CLIC5: variants seen among roughly 807,000 people sequenced by gnomAD.
CLIC5 encodes the protein chloride intracellular channel protein 5.
In CLIC5, 20 loss-of-function variants were observed where a neutral mutation model predicts 24.7. The ratio of observed to expected loss-of-function variants is 0.81; its 90% CI spans 0.57 to 1.18. The LOEUF (loss-of-function observed/expected upper bound fraction) is 1.18. CLIC5 is among the 50% of genes most tolerant of loss of function. The probability of loss-of-function intolerance (pLI) is 0.00; values close to 1 mark genes in which losing one functional copy is unlikely to be tolerated. For missense variants in CLIC5, 341 were observed against 326.1 expected (o/e 1.05, Z -0.35); for synonymous variants, 159 against 135.6 (o/e 1.17, Z -1.20).
chr6:45,923,521 T>G (rs1277059954), intron 4 of CLIC5, among the ~76,000 whole-genome samples: 1 of 152,262 alleles, frequency 6.6e-6, no homozygotes, highest in Non-Finnish European at 1.5e-5. Context: ...TTGGTGATTC[T>G]GTGAATATCC....
intron 4 of CLIC5, among the ~76,000 whole-genome samples, chr6:45,928,862 G>A (rs1420980523): frequency 6.6e-6 from 1 of 151,910 alleles, no homozygotes; most frequent in Admixed American, 6.6e-5. Flanking sequence ...AAGAGGTGTT[G>A]GTTGCATAGG....
At chr6:46,045,966 G>T (rs183767869) in intron 1 of CLIC5, among the ~76,000 whole-genome samples, 15 of 152,238 alleles carry the variant, frequency 9.9e-5, no homozygotes. Context: ...TACAAGTTTT[G>T]ACAATCGCCT....
chr6:46,002,139 G>A lies in CLIC5; in HGVS notation c.63+13341C>T, dbSNP rs140417246. Among the ~76,000 whole-genome samples the A allele has an allele frequency of 1.5e-3, 236 of 152,312 alleles. 1 individual carries two copies. Among genetic ancestry groups the A allele is most frequent in the Admixed American group, 7.5e-3 (115 of 15,302 alleles). On this transcript the variant is annotated intron_variant, in intron 1 of 5. Coordinates refer to ENST00000339561, the MANE Select transcript of CLIC5 (RefSeq NM_016929.5). ...AGGAATGAAGCTGCTAGAATCCTGCGAGGACTCGATGGAATCCATCAAATT... is the reference window on the plus strand; with the variant it reads ...AGGAATGAAGCTGCTAGAATCCTGCAAGGACTCGATGGAATCCATCAAATT...
chr6:46,057,182 C>T (rs1290804719), intron 1 of CLIC5, among the ~76,000 whole-genome samples: 1 of 152,224 alleles, frequency 6.6e-6, no homozygotes, highest in Non-Finnish European at 1.5e-5. Context: ...TCACACAAAT[C>T]TCAACTTTAA....
chr6:45,883,200 A>G lies in CLIC5; in HGVS notation c.624-2012T>C, dbSNP rs964826489. On this transcript the variant is annotated intron_variant, in intron 6 of 6. Transcript: ENST00000644324. The stretch of plus-strand genomic sequence containing the variant: ...TTCCACAGTGGGGGTGGGGTGGAGC[A>G]TTGAGAAACATTACCTGCCATTTGC... Among the ~76,000 whole-genome samples, 9 of 152,330 alleles carry G rather than the reference A, an allele frequency of 5.9e-5. No individual in the cohort carries two copies. The South Asian group carries it at 1.7e-3, about 28-fold the overall frequency.
chr6:46,108,401 T>TGAGAGAGAGA, the CLIC5 span, among the ~76,000 whole-genome samples: 8 of 141,754 alleles, frequency 5.6e-5, no homozygotes, highest in East Asian at 6.3e-4. Flanking sequence ...TGTGTGTGTG[T>TGAGAGAGAGA]GAGAGAGAGA....
intron 1 of CLIC5, among the ~76,000 whole-genome samples, chr6:46,045,695 A>G (rs922149982): frequency 2.6e-5 from 4 of 152,222 alleles, no homozygotes; most frequent in Admixed American, 2.0e-4. Context: ...AAGTCAAAAT[A>G]ATTTTATCTT....
the CLIC5 span, among the ~76,000 whole-genome samples, chr6:46,123,962 G>A: frequency 1.3e-5 from 2 of 152,204 alleles, no homozygotes; most frequent in African/African-American, 4.8e-5. Flanking sequence ...AACATTCCAT[G>A]CTCATGGATA....
At chr6:45,945,245 T>A (rs1420186743) in intron 3 of CLIC5, among the ~76,000 whole-genome samples, 8 of 152,196 alleles carry the variant, frequency 5.3e-5, no homozygotes, top group Non-Finnish European at 1.2e-4. Context: ...AATAGCCCTA[T>A]AAGATCAACA....
chr6:46,028,052 G>A (rs968727222), intron 1 of CLIC5, among the ~76,000 whole-genome samples: 6 of 152,094 alleles, frequency 3.9e-5, no homozygotes, highest in Admixed American at 1.3e-4. Flanking sequence ...TTAACACAGC[G>A]CAAAGTCACT....
At chr6:46,129,096 A>G in the CLIC5 span, among the ~76,000 whole-genome samples, 15 of 152,190 alleles carry the variant, frequency 9.9e-5, no homozygotes, top group Non-Finnish European at 2.1e-4. Flanking sequence ...ATTTATTTGT[A>G]CTTTTTATTT....
chr6:45,958,889 C>T (rs2127391447), intron 1 of CLIC5, among the ~76,000 whole-genome samples: 1 of 152,198 alleles, frequency 6.6e-6, no homozygotes. Context: ...TGATGTCCCT[C>T]CCTTTTTGTG....
intron 1 of CLIC5, among the ~76,000 whole-genome samples, chr6:46,004,494 C>T (rs959922708): frequency 7.2e-5 from 11 of 152,244 alleles, no homozygotes; most frequent in African/African-American, 1.7e-4. Flanking sequence ...TTGGCCGTCC[C>T]GCAGGGTGGC....
At chr6:46,122,870 G>C in the CLIC5 span, 1 of 152,128 alleles carries the variant, frequency 6.6e-6, no homozygotes. Context: ...ACCCTCCCAA[G>C]ACTAAACCAG....
chr6:45,920,635 G>A, intron 4 of CLIC5: 2 of 948,882 alleles, frequency 2.1e-6, no homozygotes, highest in African/African-American at 1.8e-5. Flanking sequence ...ATAATAAGAA[G>A]AATATCACCA....
chr6:45,947,011 G>T, intron 3 of CLIC5, among the ~76,000 whole-genome samples: 1 of 152,362 alleles, frequency 6.6e-6, no homozygotes, highest in East Asian at 1.9e-4. Context: ...CGGGAGCAGA[G>T]CTCAGGACAG....
intron 1 of CLIC5, among the ~76,000 whole-genome samples, chr6:46,074,587 T>C (rs1762716248): frequency 6.6e-6 from 1 of 152,232 alleles, no homozygotes; most frequent in South Asian, 2.1e-4. Context: ...ATGAGGGCCC[T>C]ATAAGTGTTC....
At chr6:46,062,583 G>A (rs974662945) in intron 1 of CLIC5, among the ~76,000 whole-genome samples, 3 of 152,160 alleles carry the variant, frequency 2.0e-5, no homozygotes, top group African/African-American at 7.2e-5. Flanking sequence ...ATGCCTTCGA[G>A]CCCAGTTTTC....
chr6:46,089,446 T>C, the CLIC5 span, among the ~76,000 whole-genome samples: 47 of 152,220 alleles, frequency 3.1e-4, no homozygotes, highest in South Asian at 8.9e-3. Context: ...TATGCAATAA[T>C]GTTTGTGGCC....
Sources: allele counts gnomAD v4.1 joint callset (sites outside exome capture counted in the v4.1 genomes callset), GRCh38; gene constraint gnomAD v4.1.1; transcripts MANE v1.5; gene names NCBI Gene and HGNC (gene_info 2026-07-23, HGNC 2026-07-21).